PDCL2: variants seen among roughly 807,000 people sequenced by gnomAD.
PDCL2 encodes phosducin like 2, also known as phosducin-like protein 2.
PDCL2 carries 23 observed loss-of-function variants against 30.3 expected under a neutral mutation model. The observed-to-expected ratio is 0.76, with a 90% CI of 0.55 to 1.08. PDCL2 has a LOEUF of 1.08. PDCL2 is among the 50% of genes least tolerant of loss of function. The probability of loss-of-function intolerance (pLI) is 0.00; values close to 1 mark genes in which losing one functional copy is unlikely to be tolerated. For missense variants in PDCL2, 243 were observed against 282.3 expected, an observed-to-expected ratio of 0.86 and a Z score of 1.00; for synonymous variants, 68 against 86.2, an observed-to-expected ratio of 0.79 and a Z score of 1.17.
At chr4:55,572,199 C>G (rs1732443729) in intron 3 of PDCL2, among the ~76,000 whole-genome samples, 1 of 152,134 alleles carries the variant, frequency 6.6e-6, no homozygotes, top group Non-Finnish European at 1.5e-5. Context: ...ACCTAACAAG[C>G]CTATCAGTTG....
intron 5 of PDCL2, among the ~76,000 whole-genome samples, chr4:55,561,325 G>T (rs1273251269): frequency 6.6e-6 from 1 of 152,082 alleles, no homozygotes; most frequent in African/African-American, 2.4e-5. Flanking sequence ...ACTTTTGGAG[G>T]CTGAGGCGGG....
intron 5 of PDCL2, among the ~76,000 whole-genome samples, chr4:55,561,158 A>G (rs1195393963): frequency 6.6e-6 from 1 of 152,090 alleles, no homozygotes; most frequent in Admixed American, 6.5e-5. Context: ...GAAACAAGGA[A>G]AGGCCTTAGA....
chr4:55,571,484 G>C (rs968470189), intron 3 of PDCL2, among the ~76,000 whole-genome samples: 1 of 149,426 alleles, frequency 6.7e-6, no homozygotes, highest in Non-Finnish European at 1.5e-5. Context: ...GCAGGAGATC[G>C]AGACCATCCT....
In PDCL2 at chr4:55,569,781, T is replaced by C. The variant is rs1353664241; in HGVS notation, c.299A>G (p.Tyr100Cys). 6.4e-7 allele frequency: 1 copy of C among 1,566,102 alleles called. No homozygotes were observed. Among genetic ancestry groups the C allele is most frequent in the Admixed American group, 1.9e-5 (1 of 53,114 alleles). Residue 100 changes from tyrosine to cysteine, a missense_variant, in exon 4 of 6, where the codon TAT becomes TGT. Physicochemically the swap from Tyr to Cys is radical, Grantham distance 194 (BLOSUM62 -2). Transcript: ENST00000295645. ...GELREISGNQ[Y>C]VNEVTNAEED... Reference sequence around the variant, plus strand: ...TTCTGCATTTGTGACTTCATTCACATACTGATTTCCAGAAATTTCTCTTAA... The same window carrying C: ...TTCTGCATTTGTGACTTCATTCACACACTGATTTCCAGAAATTTCTCTTAA...
chr4:55,574,072 A>G (rs1732500826), intron 3 of PDCL2, among the ~76,000 whole-genome samples: 1 of 152,132 alleles, frequency 6.6e-6, no homozygotes, highest in South Asian at 2.1e-4. Flanking sequence ...TTTACTTTAA[A>G]TGAGGAATTT....
chr4:55,556,748 G>GA, intron 5 of PDCL2, 37 bp from the exon 6 acceptor site: 2 of 1,432,620 alleles, frequency 1.4e-6, no homozygotes, highest in South Asian at 1.5e-5. Context: ...TAAAAATCTT[G>GA]AAAAAATGAA....
At chr4:55,590,258 T>C (rs1019859023) in intron 1 of PDCL2, among the ~76,000 whole-genome samples, 16 of 148,560 alleles carry the variant, frequency 1.1e-4, no homozygotes, top group African/African-American at 3.9e-4. Context: ...GGTGGTACCT[T>C]TTCCACCTTG....
chr4:55,582,124 T>C lies in PDCL2; in HGVS notation c.120A>G (p.Glu40=). 6.2e-7 allele frequency: 1 copy of C among 1,613,066 alleles called. No homozygotes were observed. The highest frequency in any genetic ancestry group is 8.5e-7 in the Non-Finnish European group (1 of 1,179,704). Residue 40 remains glutamate, a synonymous_variant, in exon 2 of 6, where the codon GAA becomes GAG. Transcript: ENST00000295645. Reference sequence around the variant, plus strand: ...CCAAATCTACGACCATACCCATTGCTTCTTTCTGTAAACGTAAAACCATTT... The same window carrying C: ...CCAAATCTACGACCATACCCATTGCCTCTTTCTGTAAACGTAAAACCATTT... ...IEEMVLRLQK[E]AMVKPFEKMT... is the part of the protein sequence containing the mutation.
At chr4:55,588,104 G>A (rs1203738797) in intron 1 of PDCL2, among the ~76,000 whole-genome samples, 3 of 151,998 alleles carry the variant, frequency 2.0e-5, no homozygotes, top group African/African-American at 7.3e-5. Context: ...TAAATCTCAG[G>A]ACCCCCAAAT....
At chr4:55,569,239 T>C (rs1456506802) in intron 4 of PDCL2, among the ~76,000 whole-genome samples, 1 of 151,854 alleles carries the variant, frequency 6.6e-6, no homozygotes, top group Non-Finnish European at 1.5e-5. Context: ...CCAACACCTT[T>C]ATGTTTTGAA....
chr4:55,585,828 C>T (rs925635776), intron 1 of PDCL2, among the ~76,000 whole-genome samples: 1 of 152,180 alleles, frequency 6.6e-6, no homozygotes, highest in African/African-American at 2.4e-5. Flanking sequence ...AATCCATTGG[C>T]ATGTAACTGT....
intron 2 of PDCL2, among the ~76,000 whole-genome samples, chr4:55,581,906 A>G (rs920958535): frequency 3.3e-5 from 5 of 152,070 alleles, no homozygotes; most frequent in African/African-American, 1.2e-4. Context: ...ATGGGGTTTC[A>G]CCGTGTTAGC....
chr4:55,578,024 G>A (rs1184409002), intron 3 of PDCL2, among the ~76,000 whole-genome samples: 2 of 152,158 alleles, frequency 1.3e-5, no homozygotes, highest in East Asian at 1.9e-4. Context: ...TCTTTGTGCT[G>A]GCGATCATTC....
chr4:55,577,992 T>G (rs1405368165), intron 3 of PDCL2, among the ~76,000 whole-genome samples: 1 of 152,194 alleles, frequency 6.6e-6, no homozygotes, highest in Non-Finnish European at 1.5e-5. Context: ...GTTTTTGTTT[T>G]TGTTTTAATT....
chr4:55,566,571 C>T (rs1464575568), intron 4 of PDCL2, among the ~76,000 whole-genome samples: 1 of 147,996 alleles, frequency 6.8e-6, no homozygotes, highest in Non-Finnish European at 1.5e-5. Context: ...TACAGGCATG[C>T]GCCACCAAGC....
chr4:55,576,402 T>A (rs1732568626), intron 3 of PDCL2, among the ~76,000 whole-genome samples: 1 of 152,200 alleles, frequency 6.6e-6, no homozygotes, highest in Non-Finnish European at 1.5e-5. Flanking sequence ...CTAGAGTTGG[T>A]TTCTAACTTC....
chr4:55,562,467 C>A lies in PDCL2; in HGVS notation c.508G>T (p.Gly170Cys), dbSNP rs373149826. The A allele has an allele frequency of 2.6e-6, 4 of 1,537,558 alleles. No individual in the cohort carries two copies. The highest frequency in any genetic ancestry group is 2.6e-5 in the South Asian group (2 of 78,368). The change falls in exon 5 of 6, where the codon GGT (glycine) becomes TGT (cysteine). Residue 170 changes from glycine to cysteine, a missense_variant. Transcript: ENST00000295645. ...CLPTIFVYKN[G>C]QIEAKFIGII... ...CCAATGAATTTGGCTTCTATCTGACCATTTTTATACACAAAAATTGTTGGT... is the reference window on the plus strand; with the variant it reads ...CCAATGAATTTGGCTTCTATCTGACAATTTTTATACACAAAAATTGTTGGT...
chr4:55,568,246 C>T (rs1379296370), intron 4 of PDCL2, among the ~76,000 whole-genome samples: 1 of 152,164 alleles, frequency 6.6e-6, no homozygotes. Flanking sequence ...GGGTAGGGAC[C>T]TAAAGCTAGA....
At chr4:55,587,197 G>A (rs557997254) in intron 1 of PDCL2, among the ~76,000 whole-genome samples, 60 of 118,176 alleles carry the variant, frequency 5.1e-4, no homozygotes, top group South Asian at 8.7e-4. Context: ...GTGTCCTCAC[G>A]TGGCAAAAGA....
Sources: allele counts gnomAD v4.1 joint callset (sites outside exome capture counted in the v4.1 genomes callset), GRCh38; gene constraint gnomAD v4.1.1; transcripts MANE v1.5; gene names NCBI Gene and HGNC (gene_info 2026-07-23, HGNC 2026-07-21).